Variants in ATF7IP2 observed in about 807,000 individuals in gnomAD.
ATF7IP2 encodes the protein activating transcription factor 7 interacting protein 2.
ATF7IP2 carries 42 observed loss-of-function variants against 64.2 expected under a neutral mutation model. The ratio of observed to expected loss-of-function variants is 0.65; its 90% confidence interval spans 0.51 to 0.85. ATF7IP2 has a LOEUF of 0.85. ATF7IP2 is among the 40% of genes least tolerant of loss of function. ATF7IP2 has a pLI of 0.00. For missense variants in ATF7IP2, 933 were observed against 784.2 expected, an observed-to-expected ratio of 1.19 and a Z score of -2.27; for synonymous variants, 308 against 272.8, an observed-to-expected ratio of 1.13 and a Z score of -1.27.
intron 9 of ATF7IP2, among the ~76,000 whole-genome samples, chr16:10,469,163 G>A (rs1159403952): frequency 6.6e-6 from 1 of 152,130 alleles, no homozygotes; most frequent in East Asian, 1.9e-4. Context: ...ACAAGGAGAA[G>A]AATGAAGTGA....
intron 9 of ATF7IP2, among the ~76,000 whole-genome samples, chr16:10,463,413 T>C (rs964001721): frequency 3.9e-5 from 6 of 152,198 alleles, no homozygotes; most frequent in African/African-American, 1.4e-4. Flanking sequence ...ATGGCACAAG[T>C]GACATTATTT....
intron 1 of ATF7IP2, among the ~76,000 whole-genome samples, chr16:10,402,625 G>A (rs2047557448): frequency 6.6e-6 from 1 of 151,940 alleles, no homozygotes. Flanking sequence ...CACCATGCTT[G>A]GCTAATTTTT....
intron 8 of ATF7IP2, among the ~76,000 whole-genome samples, chr16:10,457,116 A>AC (rs2049196422): frequency 6.6e-6 from 1 of 152,164 alleles, no homozygotes; most frequent in Non-Finnish European, 1.5e-5. Context: ...TTGTCTAAGT[A>AC]CCTGAACATT....
chr16:10,447,922 T>G (rs1469470361), intron 8 of ATF7IP2: 1 of 152,236 alleles, frequency 6.6e-6, no homozygotes, highest in African/African-American at 2.4e-5. Flanking sequence ...GGTTAAGTCT[T>G]TAATCCATCT....
chr16:10,450,792 T>A (rs2048960548), intron 8 of ATF7IP2, among the ~76,000 whole-genome samples: 1 of 152,224 alleles, frequency 6.6e-6, no homozygotes, highest in Admixed American at 6.5e-5. Flanking sequence ...TGTCTTTTAA[T>A]TGGGGCATTT....
At chr16:10,437,736 C>T (rs551727661) in intron 6 of ATF7IP2, among the ~76,000 whole-genome samples, 4 of 152,158 alleles carry the variant, frequency 2.6e-5, no homozygotes, top group Admixed American at 2.0e-4. Context: ...AGTAGAGTTC[C>T]TTTATATGGA....
chr16:10,477,092 T>G (rs13335722), intron 12 of ATF7IP2, among the ~76,000 whole-genome samples: 20,189 of 152,094 alleles, frequency 0.13, 3,226 homozygotes, highest in African/African-American at 0.38. Context: ...AGCAAAAATC[T>G]ACAAATGGGA....
intron 3 of ATF7IP2, among the ~76,000 whole-genome samples, chr16:10,420,632 T>C (rs1312828151): frequency 6.6e-6 from 1 of 152,218 alleles, no homozygotes; most frequent in Admixed American, 6.5e-5. Flanking sequence ...TGAGTCCTAA[T>C]GTAAATGATG....
Position 10,431,296 on chromosome 16 carries a change from T to A in ATF7IP2, c.676T>A (p.Phe226Ile), listed in dbSNP as rs1596490743. 11 of 1,614,218 alleles carry A rather than the reference T, an allele frequency of 6.8e-6. No individual in the cohort carries two copies. The East Asian group carries it at 2.5e-4, about 36-fold the overall frequency. The change falls in exon 5 of 14, where the codon TTT becomes ATT. Residue 226 changes from phenylalanine (F) to isoleucine (I), a missense_variant. Transcript: ENST00000562102. ...DNILCSEDSG[F>I]VPVEKTPNLV... ...CATTTTATGTTCAGAAGACTCAGGT[T>A]TTGTGCCTGTTGAGAAAACACCTAA...
intron 1 of ATF7IP2, among the ~76,000 whole-genome samples, chr16:10,401,048 A>T (rs561570765): frequency 3.9e-5 from 6 of 152,180 alleles, no homozygotes; most frequent in Admixed American, 3.9e-4. Flanking sequence ...CTTTTTGTGC[A>T]TATATTGAGA....
chr16:10,423,337 T>C (rs1334688072), intron 3 of ATF7IP2, among the ~76,000 whole-genome samples: 1 of 152,214 alleles, frequency 6.6e-6, no homozygotes, highest in Non-Finnish European at 1.5e-5. Context: ...TCTTGAACAG[T>C]CCTGTTACAA....
chr16:10,458,660 C>G (rs776617720), intron 9 of ATF7IP2, among the ~76,000 whole-genome samples: 6 of 152,136 alleles, frequency 3.9e-5, no homozygotes, highest in Non-Finnish European at 8.8e-5. Flanking sequence ...TTGAAGCAAA[C>G]TCTTCCAAAG....
chr16:10,388,184 C>T (rs1235127860), intron 1 of ATF7IP2, among the ~76,000 whole-genome samples: 3 of 152,192 alleles, frequency 2.0e-5, no homozygotes, highest in African/African-American at 7.2e-5. Context: ...AGTCTTAGCG[C>T]CCGGCCTATC....
chr16:10,421,965 A>C (rs149704550), intron 3 of ATF7IP2, among the ~76,000 whole-genome samples: 4 of 152,200 alleles, frequency 2.6e-5, no homozygotes, highest in Non-Finnish European at 5.9e-5. Context: ...TTAAAGGCCA[A>C]TTTTTCAGAA....
At chr16:10,413,911 A>G (rs1201407096) in intron 1 of ATF7IP2, among the ~76,000 whole-genome samples, 1 of 152,178 alleles carries the variant, frequency 6.6e-6, no homozygotes, top group African/African-American at 2.4e-5. Flanking sequence ...TGTTTATGTG[A>G]TAGGTTTTCC....
intron 2 of ATF7IP2, among the ~76,000 whole-genome samples, chr16:10,417,404 G>A (rs1363919395): frequency 6.6e-6 from 1 of 152,040 alleles, no homozygotes; most frequent in African/African-American, 2.4e-5. Flanking sequence ...CTGTGCAATG[G>A]AAACCAAAAT....
chr16:10,425,134 C>G, intron 3 of ATF7IP2, among the ~76,000 whole-genome samples: 1 of 149,844 alleles, frequency 6.7e-6, no homozygotes, highest in South Asian at 2.1e-4. Flanking sequence ...TCTCGGCTCA[C>G]GGCACCCTCT....
chr16:10,451,295 A>C (rs1423502111), intron 8 of ATF7IP2, among the ~76,000 whole-genome samples: 1 of 152,024 alleles, frequency 6.6e-6, no homozygotes, highest in Non-Finnish European at 1.5e-5. Flanking sequence ...TATGTGTCTT[A>C]GGGTTGCTCT....
chr16:10,396,946 C>T (rs2141755685), intron 1 of ATF7IP2, among the ~76,000 whole-genome samples: 1 of 152,250 alleles, frequency 6.6e-6, no homozygotes, highest in South Asian at 2.1e-4. Flanking sequence ...GGATTACAGG[C>T]ATGAGCTACC....
Sources: allele counts gnomAD v4.1 joint callset (sites outside exome capture counted in the v4.1 genomes callset), GRCh38; gene constraint gnomAD v4.1.1; transcripts MANE v1.5; gene names NCBI Gene and HGNC (gene_info 2026-07-23, HGNC 2026-07-21).